Variants in KIAA0930 observed in about 807,000 individuals in gnomAD.
The protein encoded by KIAA0930 is KIAA0930.
KIAA0930 carries 24 observed loss-of-function variants against 43.9 expected under a neutral mutation model. The observed-to-expected ratio is 0.55, with a 90% CI of 0.40 to 0.77. The LOEUF is 0.77. Ranked by LOEUF, KIAA0930 falls within the 30% of genes least tolerant of loss-of-function variation. KIAA0930 has a pLI of 0.00. For missense variants in KIAA0930, 461 were observed against 574.2 expected (o/e 0.80, Z 2.02); for synonymous variants, 259 against 216.4 (o/e 1.20, Z -1.73).
chr22:45,229,645 C>T (rs1015892305), intron 1 of KIAA0930, among the ~76,000 whole-genome samples: 13 of 152,232 alleles, frequency 8.5e-5, no homozygotes, highest in African/African-American at 2.9e-4. Context: ...TCTCCGCCAA[C>T]AACGGGTTGA....
intron 1 of KIAA0930, among the ~76,000 whole-genome samples, chr22:45,232,808 C>A (rs2083862496): frequency 6.6e-6 from 1 of 152,300 alleles, no homozygotes; most frequent in African/African-American, 2.4e-5. Flanking sequence ...GGCCCACCGC[C>A]TCTCCATGTG....
chr22:45,231,096 C>A (rs1043217020), intron 1 of KIAA0930, among the ~76,000 whole-genome samples: 5 of 151,668 alleles, frequency 3.3e-5, no homozygotes, highest in Middle Eastern at 3.4e-3. Flanking sequence ...ACTAAAAATA[C>A]ATAAAAATCA....
intron 1 of KIAA0930, among the ~76,000 whole-genome samples, chr22:45,239,086 G>T (rs1363900180): frequency 6.6e-6 from 1 of 152,216 alleles, no homozygotes; most frequent in East Asian, 1.9e-4. Context: ...CTCCTTGCGG[G>T]AGGGGCTGCC....
At chr22:45,213,642 TTCC>T in intron 1 of KIAA0930, 1 of 366,818 alleles carries the variant, frequency 2.7e-6, no homozygotes, top group South Asian at 3.5e-5. Context: ...TCTTTTTTAC[TTCC>T]TCTTTACATT....
intron 8 of KIAA0930, 51 bp from the exon 9 acceptor site, chr22:45,197,999 GAGC>G (rs1180537088): frequency 1.3e-6 from 2 of 1,589,088 alleles, no homozygotes; most frequent in Admixed American, 1.7e-5. Context: ...GACGCGGCGG[GAGC>G]AGCAGGAGGC....
In KIAA0930 at chr22:45,203,978, C is replaced by T; in HGVS notation, c.524G>A (p.Ser175Asn). 1 of 1,614,032 alleles carries T rather than the reference C, an allele frequency of 6.2e-7. No individual in the cohort carries two copies. Reference sequence around the variant, plus strand: ...CTCTCCTTCCCCTACGGTCATGTCGCTGAACACCTGGGCCAGGACACAAAG... The same window carrying T: ...CTCTCCTTCCCCTACGGTCATGTCGTTGAACACCTGGGCCAGGACACAAAG... ...FMIDSFEEVF[S>N]DMTVGEGEMV... Residue 175 changes from serine to asparagine, a missense_variant, in exon 6 of 10, where the codon AGC (serine) becomes AAC (asparagine). Transcript: ENST00000336156.
At chr22:45,222,586 A>G (rs980445163) in intron 1 of KIAA0930, among the ~76,000 whole-genome samples, 11 of 152,024 alleles carry the variant, frequency 7.2e-5, no homozygotes, top group Non-Finnish European at 1.2e-4. Context: ...TGGGATTACA[A>G]GCATGAGCCA....
At chr22:45,215,528 G>A (rs1470184364) in intron 1 of KIAA0930, among the ~76,000 whole-genome samples, 1 of 152,150 alleles carries the variant, frequency 6.6e-6, no homozygotes, top group African/African-American at 2.4e-5. Flanking sequence ...TGAAGACGAC[G>A]AAAGGAAAGG....
intron 1 of KIAA0930, among the ~76,000 whole-genome samples, chr22:45,231,612 T>C (rs980512263): frequency 1.2e-4 from 18 of 152,064 alleles, no homozygotes; most frequent in Non-Finnish European, 2.2e-4. Context: ...CAGGGTTCAA[T>C]ATATATGACC....
intron 5 of KIAA0930, among the ~76,000 whole-genome samples, 185 bp downstream of exon 5, chr22:45,205,032 C>A (rs186880204): frequency 2.0e-4 from 31 of 152,228 alleles, no homozygotes; most frequent in African/African-American, 6.7e-4. Context: ...GAGGCTGCGC[C>A]GGGGAAATTC....
chr22:45,216,413 A>T (rs1015177393), intron 1 of KIAA0930, among the ~76,000 whole-genome samples: 4 of 151,726 alleles, frequency 2.6e-5, no homozygotes, highest in Non-Finnish European at 5.9e-5. Flanking sequence ...GCTGCTGGAG[A>T]CCCTCTGCTC....
At chr22:45,232,413 TCTGCCTGTTGTTCAC>T (rs1569085356) in intron 1 of KIAA0930, among the ~76,000 whole-genome samples, 2 of 152,232 alleles carry the variant, frequency 1.3e-5, no homozygotes, top group Admixed American at 6.5e-5. Flanking sequence ...GTAAGGGAAC[TCTGCCTGTTGTTCAC>T]CTGCCTCGGT....
In KIAA0930 at chr22:45,211,503, G is replaced by C. The variant is rs994601907; in HGVS notation, c.216+453C>G. ...TCACAAGGAGGCTAAGAAGAAGAGA[G>C]CTCAGCACTGTGTCTAGATGATGGC... is the stretch of plus-strand genomic sequence containing the variant. On this transcript the variant is annotated intron_variant, in intron 2 of 9. Coordinates refer to ENST00000336156, the MANE Select transcript of KIAA0930 (RefSeq NM_001009880.2). The C allele has an allele frequency of 5.5e-5, 23 of 416,596 alleles. No individual in the cohort carries two copies. The East Asian group carries it at 7.3e-4, about 13-fold the overall frequency. 25.8% of individuals were successfully genotyped at this position (416,596 alleles called of 1,614,324 possible).
intron 1 of KIAA0930, chr22:45,235,134 A>T (rs2083879431): frequency 6.6e-6 from 1 of 151,928 alleles, no homozygotes; most frequent in South Asian, 2.1e-4. Context: ...AGGCAAGGAG[A>T]CCCAGGACAG....
At position 45,199,870 on chromosome 22, in the gene KIAA0930, C is replaced by T; in HGVS notation, c.1015+3G>A. 1 of 1,564,088 alleles carries T rather than the reference C, an allele frequency of 6.4e-7. No individual in the cohort carries two copies. The highest frequency in any genetic ancestry group is 1.2e-5 in the South Asian group (1 of 86,006). ...GACCCTAGGGCACGGAGTGGGGGGT[C>T]ACCTCCACCGTCGTCCTCCCGGAAG... is the stretch of plus-strand genomic sequence containing the variant. On this transcript the variant is annotated splice_donor_region_variant and intron_variant, in intron 8 of 9. Transcript: ENST00000336156.
At chr22:45,216,255 C>T (rs946614159) in intron 1 of KIAA0930, among the ~76,000 whole-genome samples, 1 of 152,158 alleles carries the variant, frequency 6.6e-6, no homozygotes, top group Non-Finnish European at 1.5e-5. Context: ...CTCAGATGGC[C>T]AATTCATTCA....
intron 1 of KIAA0930, among the ~76,000 whole-genome samples, chr22:45,231,859 C>T (rs910141892): frequency 2.0e-5 from 3 of 152,060 alleles, no homozygotes; most frequent in Non-Finnish European, 4.4e-5. Context: ...GGTGTGGTGG[C>T]GGGTGCCTGT....
Position 45,192,283 on chromosome 22 carries a change from C to T in KIAA0930, c.*4893G>A, listed in dbSNP as rs758308021. 11 of 152,094 alleles carry T rather than the reference C, an allele frequency of 7.2e-5. No homozygotes were observed. Among genetic ancestry groups the T allele is most frequent in the African/African-American group, 2.2e-4 (9 of 41,396 alleles). The allele number at this position is 152,094 out of a possible 1,614,324, so 9.4% of individuals were successfully genotyped here. ...ATTTAATATTCAACATGCAAAACAACCTTTAAAAGAAACATGAAATCATAA... is the reference window on the plus strand; with the variant it reads ...ATTTAATATTCAACATGCAAAACAATCTTTAAAAGAAACATGAAATCATAA... On this transcript the variant is annotated 3_prime_UTR_variant, in exon 10 of 10. Transcript: ENST00000336156.
intron 7 of KIAA0930, among the ~76,000 whole-genome samples, chr22:45,201,965 G>A (rs895115084): frequency 2.0e-5 from 3 of 151,416 alleles, no homozygotes; most frequent in Non-Finnish European, 2.9e-5. Context: ...CCTCCTGAGG[G>A]CCAAGCCCCG....
Sources: allele counts gnomAD v4.1 joint callset (sites outside exome capture counted in the v4.1 genomes callset), GRCh38; gene constraint gnomAD v4.1.1; transcripts MANE v1.5; gene names NCBI Gene and HGNC (gene_info 2026-07-23, HGNC 2026-07-21).